Variants in KIF6 observed in about 807,000 individuals in gnomAD.
KIF6 encodes kinesin-like protein KIF6.
In KIF6, 106 loss-of-function variants were observed where a neutral mutation model predicts 112.7. The observed-to-expected ratio is 0.94, with a 90% CI of 0.80 to 1.11. The LOEUF (loss-of-function observed/expected upper bound fraction) is 1.11, where lower values mean the gene tolerates loss of function less well. Among genes scored for constraint, KIF6 ranks in the 50% least tolerant of loss-of-function variants. The pLI is 0.00. For synonymous variants in KIF6, 339 were observed against 339.9 expected (o/e 1.00, Z 0.03); for missense variants, 929 against 964.0 (o/e 0.96, Z 0.48).
intron 15 of KIF6, among the ~76,000 whole-genome samples, chr6:39,414,888 C>T (rs1003550587): frequency 2.2e-4 from 33 of 151,638 alleles, no homozygotes; most frequent in African/African-American, 7.7e-4. Context: ...CACTGCAACT[C>T]ATTGAAAAAA....
chr6:39,564,020 G>GA (rs1780154385), intron 10 of KIF6, among the ~76,000 whole-genome samples: 1 of 152,154 alleles, frequency 6.6e-6, no homozygotes, highest in East Asian at 1.9e-4. Flanking sequence ...TGGCACGCAG[G>GA]AAAAAGAGGA....
intron 13 of KIF6, among the ~76,000 whole-genome samples, chr6:39,511,796 C>T (rs1776802060): frequency 6.6e-6 from 1 of 152,148 alleles, no homozygotes; most frequent in African/African-American, 2.4e-5. Context: ...TTTGAAGGAA[C>T]ATAGATGAAG....
At chr6:39,521,752 A>C (rs1777414335) in intron 13 of KIF6, among the ~76,000 whole-genome samples, 1 of 152,200 alleles carries the variant, frequency 6.6e-6, no homozygotes, top group African/African-American at 2.4e-5. Flanking sequence ...CACATCATCC[A>C]GGAAGAGTTC....
rs1781715717 is a variant in KIF6, at chr6:39,587,803, A to G, written c.847-1399T>C. Among the ~76,000 whole-genome samples, 4 of 151,988 alleles carry G rather than the reference A, an allele frequency of 2.6e-5. No homozygotes were observed. In the South Asian group the frequency reaches 8.3e-4, roughly 32 times the overall value. On this transcript the variant is annotated intron_variant, in intron 7 of 22. Coordinates refer to ENST00000287152, the MANE Select transcript of KIF6 (RefSeq NM_145027.6). ...ATCTGCTCCCTCCTACTTTTCTCCT[A>G]CAATTACCTCCTCTCTCTTCTGAAT...
intron 5 of KIF6, among the ~76,000 whole-genome samples, chr6:39,633,221 G>T (rs1289778654): frequency 6.6e-6 from 1 of 151,848 alleles, no homozygotes; most frequent in East Asian, 1.9e-4. Context: ...AGTGTAGAGG[G>T]AGAAGAACAG....
At chr6:39,382,330 C>A (rs1275853593) in intron 16 of KIF6, among the ~76,000 whole-genome samples, 2 of 152,130 alleles carry the variant, frequency 1.3e-5, no homozygotes, top group Non-Finnish European at 2.9e-5. Flanking sequence ...TTCCTACCTC[C>A]TTTTGGAGTC....
At chr6:39,572,659 C>CTTTTT (rs35901482) in intron 10 of KIF6, among the ~76,000 whole-genome samples, 1 of 102,216 alleles carries the variant, frequency 9.8e-6, no homozygotes, top group Non-Finnish European at 2.0e-5. Flanking sequence ...GATCTACAGG[C>CTTTTT]TTTTTTTTTT....
At chr6:39,672,819 A>G (rs1786905608) in intron 3 of KIF6, among the ~76,000 whole-genome samples, 1 of 152,116 alleles carries the variant, frequency 6.6e-6, no homozygotes, top group Non-Finnish European at 1.5e-5. Context: ...ATTACTTCCA[A>G]AGATCCTACC....
chr6:39,695,733 T>A (rs1788494938), intron 3 of KIF6, among the ~76,000 whole-genome samples: 1 of 152,184 alleles, frequency 6.6e-6, no homozygotes. Flanking sequence ...TGGAAAGCAA[T>A]TTGGAGATTT....
intron 16 of KIF6, among the ~76,000 whole-genome samples, chr6:39,370,251 A>G (rs1765866233): frequency 6.6e-6 from 1 of 152,230 alleles, no homozygotes; most frequent in African/African-American, 2.4e-5. Context: ...GCCAGGGGGC[A>G]GTGTTCTCAG....
intron 3 of KIF6, among the ~76,000 whole-genome samples, chr6:39,662,749 C>T (rs1406341472): frequency 6.6e-6 from 1 of 152,148 alleles, no homozygotes; most frequent in East Asian, 1.9e-4. Context: ...AAACTGAAAA[C>T]AAGATCCACA....
At chr6:39,658,809 G>T (rs1166600354) in intron 3 of KIF6, among the ~76,000 whole-genome samples, 1 of 152,208 alleles carries the variant, frequency 6.6e-6, no homozygotes, top group African/African-American at 2.4e-5. Flanking sequence ...ACAGGGGGCA[G>T]TTAGCCAACA....
chr6:39,566,908 T>C (rs943759050), intron 10 of KIF6, among the ~76,000 whole-genome samples: 1 of 152,260 alleles, frequency 6.6e-6, no homozygotes. Context: ...CTTTTAAGAA[T>C]GACCTTTAAT....
At chr6:39,476,523 G>A (rs1472211194) in intron 13 of KIF6, among the ~76,000 whole-genome samples, 2 of 152,196 alleles carry the variant, frequency 1.3e-5, no homozygotes, top group Non-Finnish European at 2.9e-5. Flanking sequence ...ACCATCAGAA[G>A]GAGCTGGGCT....
At chr6:39,443,526 C>T (rs1562221894) in intron 13 of KIF6, among the ~76,000 whole-genome samples, 1 of 152,130 alleles carries the variant, frequency 6.6e-6, no homozygotes. Context: ...TCACTGCAAC[C>T]TTTGCTTCCC....
chr6:39,680,692 G>A (rs1787461379), intron 3 of KIF6, among the ~76,000 whole-genome samples: 1 of 152,144 alleles, frequency 6.6e-6, no homozygotes, highest in South Asian at 2.1e-4. Context: ...ACTAGAAATA[G>A]GTGGTCATTA....
At chr6:39,454,726 G>A (rs1772938938) in intron 13 of KIF6, among the ~76,000 whole-genome samples, 1 of 152,094 alleles carries the variant, frequency 6.6e-6, no homozygotes, top group Non-Finnish European at 1.5e-5. Context: ...AGGGGTCAGG[G>A]AGTTCCCTTT....
intron 13 of KIF6, among the ~76,000 whole-genome samples, chr6:39,491,718 G>A (rs562589784): frequency 2.6e-5 from 4 of 152,244 alleles, no homozygotes; most frequent in South Asian, 4.1e-4. Flanking sequence ...GGGGCCTATT[G>A]GTGAGGCTTA....
At chr6:39,674,314 C>T (rs1223245113) in intron 3 of KIF6, among the ~76,000 whole-genome samples, 1 of 152,072 alleles carries the variant, frequency 6.6e-6, no homozygotes, top group Non-Finnish European at 1.5e-5. Context: ...GGAAAGAGGA[C>T]AGGGGCCATA....
Sources: allele counts gnomAD v4.1 joint callset (sites outside exome capture counted in the v4.1 genomes callset), GRCh38; gene constraint gnomAD v4.1.1; transcripts MANE v1.5; gene names NCBI Gene and HGNC (gene_info 2026-07-23, HGNC 2026-07-21).